The following FOXN3 variants were observed in gnomAD, a reference collection of about 807,000 sequenced individuals.
FOXN3 encodes the protein forkhead box N3.
A neutral mutation model predicts 38.4 loss-of-function variants in FOXN3; 7 were observed. That is an observed-to-expected ratio of 0.18 (90% CI 0.10 to 0.34). The LOEUF is 0.34. Among genes scored for constraint, FOXN3 ranks in the 10% least tolerant of loss-of-function variants. The pLI, the probability that FOXN3 is intolerant of heterozygous loss-of-function variation, is 1.00. For missense variants in FOXN3, 456 were observed against 613.4 expected, an observed-to-expected ratio of 0.74 and a Z score of 2.71; for synonymous variants, 230 against 242.2, an observed-to-expected ratio of 0.95 and a Z score of 0.47.
chr14:89,481,847 T>A (rs1391233787), intron 1 of FOXN3, among the ~76,000 whole-genome samples: 1 of 151,790 alleles, frequency 6.6e-6, no homozygotes, highest in South Asian at 2.1e-4. Flanking sequence ...GGAGTCAAGC[T>A]AGGGCGATCA....
At chr14:89,249,139 G>T (rs1354084472) in intron 4 of FOXN3, among the ~76,000 whole-genome samples, 18 of 152,150 alleles carry the variant, frequency 1.2e-4, no homozygotes, top group African/African-American at 4.3e-4. Flanking sequence ...CAAGTCTCTT[G>T]AGAGTCTGGA....
chr14:89,339,251 G>T (rs1888547841), intron 3 of FOXN3, among the ~76,000 whole-genome samples: 2 of 152,166 alleles, frequency 1.3e-5, no homozygotes, highest in South Asian at 4.1e-4. Context: ...TGAGATTACA[G>T]GTGTGAGCCA....
chr14:89,555,698 C>T (rs918741255), intron 1 of FOXN3, among the ~76,000 whole-genome samples: 1 of 152,096 alleles, frequency 6.6e-6, no homozygotes, highest in Non-Finnish European at 1.5e-5. Context: ...ATCACAATAA[C>T]CAGGTAAGGA....
chr14:89,566,148 C>T (rs1824722150), intron 1 of FOXN3, among the ~76,000 whole-genome samples: 1 of 152,174 alleles, frequency 6.6e-6, no homozygotes, highest in South Asian at 2.1e-4. Flanking sequence ...TAAAGACCAA[C>T]AAGAAATTCC....
chr14:89,322,080 A>T (rs1887913306), intron 3 of FOXN3, among the ~76,000 whole-genome samples: 1 of 152,196 alleles, frequency 6.6e-6, no homozygotes, highest in Non-Finnish European at 1.5e-5. Context: ...TGCCAGGGCC[A>T]CAGTTGCCTT....
rs1895183383 is a variant in FOXN3, at chr14:89,558,861, T to C, written c.-15+60167A>G. ...GGCCAGGTGGGCCATGAGCTGATTG[T>C]TATTAGCTGACTGAGACGCTTAGTG... On this transcript the variant is annotated intron_variant, in intron 1 of 6. Coordinates refer to the FOXN3 transcript ENST00000345097. Among the ~76,000 whole-genome samples the C allele has an allele frequency of 2.6e-5, 4 of 152,232 alleles. No homozygotes were observed. The South Asian group carries it at 8.3e-4, about 32-fold the overall frequency.
intron 4 of FOXN3, among the ~76,000 whole-genome samples, chr14:89,228,609 T>TC (rs1463081091): frequency 1.3e-4 from 20 of 152,228 alleles, no homozygotes; most frequent in Non-Finnish European, 2.9e-4. Flanking sequence ...CTTATTTTAT[T>TC]AGGAAAGTAT....
At chr14:89,556,171 G>A (rs1257790840) in intron 1 of FOXN3, among the ~76,000 whole-genome samples, 2 of 151,962 alleles carry the variant, frequency 1.3e-5, no homozygotes, top group Non-Finnish European at 2.9e-5. Context: ...TGGGAGGCTG[G>A]GGCGGGGGGA....
chr14:89,182,188 A>C (rs138339874), intron 4 of FOXN3, among the ~76,000 whole-genome samples: 25 of 152,378 alleles, frequency 1.6e-4, no homozygotes, highest in African/African-American at 5.5e-4. Context: ...ACACATTGCC[A>C]TACTTTTTAC....
At chr14:89,571,147 C>T (rs1360723818) in intron 1 of FOXN3, among the ~76,000 whole-genome samples, 1 of 152,132 alleles carries the variant, frequency 6.6e-6, no homozygotes, top group Non-Finnish European at 1.5e-5. Flanking sequence ...GGCTTCTTAA[C>T]CCCTAGACAG....
chr14:89,412,332 G>A lies in FOXN3; in HGVS notation c.145C>T (p.Arg49Ter), dbSNP rs917056988. The A allele has an allele frequency of 5.0e-6, 8 of 1,614,088 alleles. No homozygotes were observed. The highest frequency in any genetic ancestry group is 1.6e-4 in the Middle Eastern group (1 of 6,062). Residue 49 changes from arginine to a stop codon, truncating the protein, a stop_gained, in exon 2 of 6, where the codon CGA becomes TGA. Coordinates refer to ENST00000557258, the MANE Select transcript of FOXN3 (RefSeq NM_005197.4). LOFTEE classifies it high-confidence loss of function. This position sits in a 1 kb window ranked among gnomAD's most constrained non-coding sequence, Gnocchi z 4.7. ...TCTTCCATGGCCCCCTCTTCTAATC[G>A]GATGTCAGGCAGAGAAAAGTCGAGG... ...DDLDFSLPDIRLEEGAMEDEE... is the reference protein window; with the variant it reads ...DDLDFSLPDI
intron 4 of FOXN3, among the ~76,000 whole-genome samples, chr14:89,273,441 T>C (rs1243644340): frequency 6.6e-6 from 1 of 152,202 alleles, no homozygotes; most frequent in African/African-American, 2.4e-5. Context: ...TATAGACGGG[T>C]AGCGGGAAGA....
chr14:89,388,760 CAAG>C (rs757478808), intron 2 of FOXN3, among the ~76,000 whole-genome samples: 5 of 151,480 alleles, frequency 3.3e-5, no homozygotes, highest in South Asian at 4.2e-4. Flanking sequence ...GCAGGAAAAT[CAAG>C]AAGAAGATGC....
At chr14:89,260,044 G>A (rs923402104) in intron 4 of FOXN3, among the ~76,000 whole-genome samples, 7 of 152,178 alleles carry the variant, frequency 4.6e-5, no homozygotes, top group African/African-American at 1.7e-4. Context: ...AGCAGATAGT[G>A]GAAGTCTGCA....
Position 89,202,038 on chromosome 14 carries a change from G to A in FOXN3, c.746-21232C>T, listed in dbSNP as rs576109382. ...ACAGAAGGAAAGATTCCATCTCAGAGTGACACTGGCAGGTGTGTTAGTGAG... is the reference window on the plus strand; with the variant it reads ...ACAGAAGGAAAGATTCCATCTCAGAATGACACTGGCAGGTGTGTTAGTGAG... On this transcript the variant is annotated intron_variant, in intron 4 of 5. Coordinates refer to ENST00000557258, the MANE Select transcript of FOXN3 (RefSeq NM_005197.4). Among the ~76,000 whole-genome samples, 3 of 152,316 alleles carry A rather than the reference G, an allele frequency of 2.0e-5. No individual in the cohort carries two copies. In the East Asian group the frequency reaches 5.8e-4, roughly 29 times the overall value.
At chr14:89,267,374 C>A (rs1886015923) in intron 4 of FOXN3, among the ~76,000 whole-genome samples, 1 of 152,146 alleles carries the variant, frequency 6.6e-6, no homozygotes, top group African/African-American at 2.4e-5. Flanking sequence ...TGGGCTGACG[C>A]TGGAAAGACA....
rs74436910 is a variant in FOXN3, at chr14:89,179,596, T to C, written c.851+1105A>G. 9.9e-3 allele frequency among the ~76,000 whole-genome samples: 1,505 copies of C among 152,188 alleles called. 29 individuals are homozygous for C. Among genetic ancestry groups the C allele is most frequent in the African/African-American group, 0.034 (1,429 of 41,514 alleles). ...TAGTGATGCGGCATCAGACAACTGATTGAGAGCTAGCCCTCATCCTCAGGA... is the reference window on the plus strand; with the variant it reads ...TAGTGATGCGGCATCAGACAACTGACTGAGAGCTAGCCCTCATCCTCAGGA... On this transcript the variant is annotated intron_variant, in intron 5 of 5. Coordinates refer to ENST00000557258, the MANE Select transcript of FOXN3 (RefSeq NM_005197.4).
intron 1 of FOXN3, among the ~76,000 whole-genome samples, chr14:89,472,523 A>AAC (rs1893121045): frequency 6.6e-6 from 1 of 152,092 alleles, no homozygotes; most frequent in Non-Finnish European, 1.5e-5. Context: ...GATCGAGACC[A>AAC]CCTTGGCTAA....
At chr14:89,233,334 G>T (rs1445309876) in intron 4 of FOXN3, among the ~76,000 whole-genome samples, 1 of 152,182 alleles carries the variant, frequency 6.6e-6, no homozygotes, top group Non-Finnish European at 1.5e-5. Context: ...GCAAAAAGTG[G>T]TAACTTGGTG....
Sources: gnomAD v4.1 joint callset for allele counts (sites outside exome capture counted in the v4.1 genomes callset) on GRCh38, gnomAD v4.1.1 for gene constraint, Gnocchi (gnomAD v3.1) non-coding constraint, MANE v1.5 for transcripts, NCBI Gene and HGNC (gene_info 2026-07-23, HGNC 2026-07-21) for gene names.